ADH4: variants seen among roughly 807,000 people sequenced by gnomAD.
ADH4 encodes the protein alcohol dehydrogenase 4 (class II), pi polypeptide.
In ADH4, 31 loss-of-function variants were observed where a neutral mutation model predicts 35.2. That is an observed-to-expected ratio of 0.88 (90% CI 0.66 to 1.19). ADH4 has a LOEUF of 1.19. Among genes scored for constraint, ADH4 ranks in the 50% most tolerant of loss-of-function variants. The pLI is 0.00. For missense variants in ADH4, 476 were observed against 458.3 expected, an observed-to-expected ratio of 1.04 and a Z score of -0.35; for synonymous variants, 171 against 160.2, an observed-to-expected ratio of 1.07 and a Z score of -0.51.
At position 99,124,332 on chromosome 4, in the gene ADH4, TA is replaced by T; in HGVS notation, c.*109del. The T allele has an allele frequency of 1.3e-6, 1 of 742,988 alleles. No individual in the cohort carries two copies. The highest frequency in any genetic ancestry group is 2.3e-6 in the Non-Finnish European group (1 of 443,968). 46.0% of individuals were successfully genotyped at this position (742,988 alleles called of 1,614,324 possible). ...CTCTTTTATGTTCCCATATTAAATG[TA>T]AATATTTGTTTAAACTCATGGCTTT... is the stretch of plus-strand genomic sequence containing the variant. On this transcript the variant is annotated 3_prime_UTR_variant, in exon 9 of 9. Coordinates refer to ENST00000265512, the MANE Select transcript of ADH4 (RefSeq NM_000670.5).
chr4:99,142,691 T>C lies in ADH4; in HGVS notation c.108A>G (p.Glu36=), dbSNP rs56234637. The change falls in exon 2 of 9, where the codon GAA becomes GAG. Residue 36 remains glutamate, a synonymous_variant. Transcript: ENST00000265512. The part of the protein sequence containing the change: ...EVEVAPPKAH[E]VRIQIIATSL... The stretch of plus-strand genomic sequence containing the variant: ...AGTCTCCACTTACCTGAATGCGAAC[T>C]TCATGAGCCTTGGGGGGAGCTACTT... The C allele has an allele frequency of 2.5e-5, 39 of 1,582,528 alleles. No homozygotes were observed. The East Asian group carries it at 4.8e-4, about 19-fold the overall frequency.
chr4:99,124,641 A>G (rs1272828589), intron 8 of ADH4, among the ~76,000 whole-genome samples, 175 bp from the exon 9 acceptor site: 3 of 152,120 alleles, frequency 2.0e-5, no homozygotes, highest in Non-Finnish European at 2.9e-5. Context: ...TGTTAATAAT[A>G]TTTTATGCAT....
intron 5 of ADH4, among the ~76,000 whole-genome samples, chr4:99,132,707 CTA>C (rs1389076296): frequency 6.6e-6 from 1 of 152,040 alleles, no homozygotes; most frequent in Admixed American, 6.6e-5. Flanking sequence ...ATTCTACAGA[CTA>C]TTATAGCGAT....
At chr4:99,141,134 A>G (rs1729599947) in intron 3 of ADH4, among the ~76,000 whole-genome samples, 1 of 152,206 alleles carries the variant, frequency 6.6e-6, no homozygotes, top group South Asian at 2.1e-4. Flanking sequence ...AAGTAAGAAC[A>G]TTCAGTATTT....
chr4:99,129,825 A>G (rs538705665), intron 6 of ADH4, among the ~76,000 whole-genome samples: 1 of 152,320 alleles, frequency 6.6e-6, no homozygotes, highest in African/African-American at 2.4e-5. Context: ...AAATTTTTCA[A>G]TGTAACCAGA....
rs569939769 is a variant in ADH4, at chr4:99,130,791, G to A, written c.843+713C>T. On this transcript the variant is annotated intron_variant, in intron 6 of 8. Coordinates refer to ENST00000265512, the MANE Select transcript of ADH4 (RefSeq NM_000670.5). ...GGTATTAAAAAAGCAACAAAACAAC[G>A]AAAAACCCCTCAGGAAATTCTAACA... Among the ~76,000 whole-genome samples the A allele has an allele frequency of 7.2e-5, 11 of 152,064 alleles. No individual in the cohort carries two copies. The South Asian group carries it at 1.0e-3, about 14-fold the overall frequency.
In ADH4 at chr4:99,141,597, T is replaced by C. The variant is rs745518809; in HGVS notation, c.206A>G (p.His69Arg). The change falls in exon 3 of 9, where the codon CAT becomes CGT. Residue 69 changes from histidine (H) to arginine (R), a missense_variant. By Grantham distance (29) the His-to-Arg change is conservative. Coordinates refer to ENST00000265512, the MANE Select transcript of ADH4 (RefSeq NM_000670.5). ...EGLAFPVIVG[H>R]EAAGIVESIG... ...ACTTTCCACAATACCTGCAGCCTCA[T>C]GGCCAACGATCACTGGGAAAGCTAG... 1.9e-5 allele frequency: 30 copies of C among 1,613,970 alleles called. 1 individual carries two copies. The highest frequency in any genetic ancestry group is 2.3e-5 in the Non-Finnish European group (27 of 1,180,018).
At chr4:99,130,229 C>T (rs1206898307) in intron 6 of ADH4, among the ~76,000 whole-genome samples, 1 of 152,144 alleles carries the variant, frequency 6.6e-6, no homozygotes, top group Non-Finnish European at 1.5e-5. Flanking sequence ...AGGCCTTTAA[C>T]ATTTTTGACA....
At chr4:99,142,410 C>T (rs770054710) in intron 2 of ADH4, among the ~76,000 whole-genome samples, 1 of 152,212 alleles carries the variant, frequency 6.6e-6, no homozygotes, top group African/African-American at 2.4e-5. Context: ...AATTCAAATC[C>T]AAAGTGAATT....
chr4:99,138,488 A>G (rs1014281641), intron 4 of ADH4, among the ~76,000 whole-genome samples: 4 of 152,182 alleles, frequency 2.6e-5, no homozygotes, highest in Admixed American at 2.6e-4. Flanking sequence ...ACCTGGCTCT[A>G]AGACTTATAA....
chr4:99,124,962 A>G (rs566873211), intron 8 of ADH4, among the ~76,000 whole-genome samples: 1 of 152,282 alleles, frequency 6.6e-6, no homozygotes, highest in East Asian at 1.9e-4. Context: ...CTTTATCTCA[A>G]ACATTACTGC....
intron 4 of ADH4, among the ~76,000 whole-genome samples, chr4:99,137,470 C>T (rs1729479086): frequency 6.6e-6 from 1 of 152,028 alleles, no homozygotes; most frequent in Non-Finnish European, 1.5e-5. Flanking sequence ...CCGTGTTGGT[C>T]AGGCTGGTCT....
chr4:99,124,240 T>A lies in ADH4; in HGVS notation c.*202A>T, dbSNP rs757727749. On this transcript the variant is annotated 3_prime_UTR_variant, in exon 9 of 9. Transcript: ENST00000265512. ...TATGATTCTATTCATAAACACTAGT[T>A]ATTATTATTATTTAACATAGGGAAT... 8.7e-5 allele frequency: 40 copies of A among 459,958 alleles called. No homozygotes were observed. The highest frequency in any genetic ancestry group is 1.3e-4 in the Non-Finnish European group (35 of 260,422). The allele number at this position is 459,958 out of a possible 1,614,324, so 28.5% of individuals were successfully genotyped here. A position where few individuals can be genotyped will look rare whatever the true frequency, so the allele number is the denominator to read the frequency against.
At chr4:99,133,470 C>T (rs547875362) in intron 5 of ADH4, 2 of 152,276 alleles carry the variant, frequency 1.3e-5, no homozygotes, top group South Asian at 4.1e-4. Context: ...ACTTTTCTTC[C>T]CAGAAGTAAG....
At chr4:99,131,940 T>C (rs29001203) in intron 5 of ADH4, among the ~76,000 whole-genome samples, 176 bp from the exon 6 acceptor site, 32,018 of 152,154 alleles carry the variant, frequency 0.21, 4,040 homozygotes, top group Non-Finnish European at 0.28. Flanking sequence ...GCATTACTAC[T>C]TAAATTTGGA....
chr4:99,143,284 C>T (rs1388043287), intron 1 of ADH4: 2 of 698,952 alleles, frequency 2.9e-6, no homozygotes, highest in Admixed American at 4.0e-5. Flanking sequence ...AAAGCCCTGC[C>T]TCAAATCCAC....
intron 6 of ADH4, among the ~76,000 whole-genome samples, chr4:99,129,664 A>C (rs1057365796): frequency 6.6e-6 from 1 of 152,082 alleles, no homozygotes; most frequent in Admixed American, 6.6e-5. Context: ...TCTTTTCTTT[A>C]GCTTTTTCAT....
intron 6 of ADH4, among the ~76,000 whole-genome samples, chr4:99,128,398 T>C (rs923614236): frequency 1.3e-5 from 2 of 152,138 alleles, no homozygotes; most frequent in African/African-American, 4.8e-5. Flanking sequence ...ATCGTGCCAC[T>C]GCACTCCACC....
intron 8 of ADH4, 23 bp downstream of exon 8, chr4:99,126,571 T>G (rs1236734257): frequency 6.4e-7 from 1 of 1,552,772 alleles, no homozygotes; most frequent in Non-Finnish European, 8.8e-7. Context: ...TTTAAATCAT[T>G]CAGTCATCTA....
Sources: allele counts gnomAD v4.1 joint callset (sites outside exome capture counted in the v4.1 genomes callset), GRCh38; gene constraint gnomAD v4.1.1; transcripts MANE v1.5; gene names NCBI Gene and HGNC (gene_info 2026-07-23, HGNC 2026-07-21).